ANKRD34B: variants seen among roughly 807,000 people sequenced by gnomAD.
The protein encoded by ANKRD34B is ankyrin repeat domain 34B.
ANKRD34B carries 2 observed loss-of-function variants against 4.4 expected under a neutral mutation model. The observed-to-expected ratio is 0.46, with a 90% CI of 0.19 to 1.44. The LOEUF is 1.44. Ranked by LOEUF, ANKRD34B falls within the 40% of genes most tolerant of loss-of-function variation. The pLI is 0.26. For synonymous variants in ANKRD34B, 226 were observed against 227.1 expected (o/e 0.99, Z 0.05); for missense variants, 558 against 604.7 (o/e 0.92, Z 0.81).
chr5:80,558,738 C>T lies in ANKRD34B; in HGVS notation c.1282G>A (p.Glu428Lys). 1.9e-6 allele frequency: 3 copies of T among 1,614,184 alleles called. No individual in the cohort carries two copies. The highest frequency in any genetic ancestry group is 2.5e-6 in the Non-Finnish European group (3 of 1,180,040). ...PLSRRNHAVL[E>K]RRGSGAFPLD... The stretch of plus-strand genomic sequence containing the variant: ...GGGAAAGCTCCTGAACCTCGCCTTT[C>T]TAAAACTGCATGATTTCTCCTGCTC... The change falls in exon 5 of 5, where the codon GAA (glutamate) becomes AAA (lysine). Residue 428 changes from glutamate (E) to lysine (K), a missense_variant. By Grantham distance (56) the Glu-to-Lys change is moderately conservative. Coordinates refer to ENST00000338682, the MANE Select transcript of ANKRD34B (RefSeq NM_001004441.3).
Position 80,566,727 on chromosome 5 carries a change from C to T in ANKRD34B, c.-143G>A, listed in dbSNP as rs1208301620. Reference sequence around the variant, plus strand: ...TCAAAATTTCACACTTCACTTTTGTCTCTTCTCTCCCTGGATAAGTTTTCT... The same window carrying T: ...TCAAAATTTCACACTTCACTTTTGTTTCTTCTCTCCCTGGATAAGTTTTCT... On this transcript the variant is annotated 5_prime_UTR_variant, in exon 3 of 5. Transcript: ENST00000338682. The T allele has an allele frequency of 1.3e-5, 2 of 152,652 alleles. No homozygotes were observed. The highest frequency in any genetic ancestry group is 6.5e-5 in the Admixed American group (1 of 15,284). 9.5% of individuals were successfully genotyped at this position (152,652 alleles called of 1,614,324 possible).
rs781308036 is a variant in ANKRD34B at position 80,559,083 on chromosome 5, T to G, written c.937A>C (p.Ser313Arg). 6.2e-7 allele frequency: 1 copy of G among 1,614,268 alleles called. No homozygotes were observed. The highest frequency in any genetic ancestry group is 1.7e-5 in the Admixed American group (1 of 60,036). The change falls in exon 5 of 5, where the codon AGC (serine) becomes CGC (arginine). Residue 313 changes from serine (S) to arginine (R), a missense_variant. Coordinates refer to ENST00000338682, the MANE Select transcript of ANKRD34B (RefSeq NM_001004441.3). ...TCATCATATGACATCTTCCTTGAGC[T>G]GGCCTGATCAAAGGCTCTTAGCAAA... ...AHLLRAFDQA[S>R]SRKMSYDEIN...
At chr5:80,568,921 C>CAGAGAGAGAG (rs1414177718) in intron 2 of ANKRD34B, 39 bp downstream of exon 2, 1 of 53,480 alleles carries the variant, frequency 1.9e-5, no homozygotes, top group African/African-American at 4.4e-5. Flanking sequence ...CACACACACA[C>CAGAGAGAGAG]ACACAGAGAG....
At chr5:80,569,330 T>A (rs933592659) in intron 1 of ANKRD34B, among the ~76,000 whole-genome samples, 2 of 152,046 alleles carry the variant, frequency 1.3e-5, no homozygotes, top group Non-Finnish European at 2.9e-5. Context: ...AAATGGTGCG[T>A]CTGAGGGGCG....
At chr5:80,567,532 A>G (rs963613877) in intron 2 of ANKRD34B, among the ~76,000 whole-genome samples, 5 of 148,454 alleles carry the variant, frequency 3.4e-5, no homozygotes, top group Non-Finnish European at 1.5e-5. Context: ...GAGGCAGGAG[A>G]ATCACTTGAA....
In ANKRD34B at chr5:80,559,492, C is replaced by A. The variant is rs1019966074; in HGVS notation, c.528G>T (p.Gly176=). Residue 176 remains glycine (G), a synonymous_variant, in exon 5 of 5, where the codon GGG becomes GGT. Transcript: ENST00000338682. ...YLNMPPVDID[G]CHSPATCTTP... ...TGGTGCAGGTAGCTGGGGAATGACA[C>A]CCATCTATATCCACAGGAGGCATAT... is the stretch of plus-strand genomic sequence containing the variant. 1.9e-6 allele frequency: 3 copies of A among 1,614,200 alleles called. No individual in the cohort carries two copies. Among genetic ancestry groups the A allele is most frequent in the Non-Finnish European group, 2.5e-6 (3 of 1,180,036 alleles).
At position 80,558,438 on chromosome 5, in the gene ANKRD34B, A is replaced by G. The variant is rs374062282; in HGVS notation, c.*37T>C. On this transcript the variant is annotated 3_prime_UTR_variant, in exon 5 of 5. Coordinates refer to ENST00000338682, the MANE Select transcript of ANKRD34B (RefSeq NM_001004441.3). Reference sequence around the variant, plus strand: ...TTCTCTAGTTCTTTGTTTCTCTGATATAAACATTTGAAGAAGATGTGTTTT... The same window carrying G: ...TTCTCTAGTTCTTTGTTTCTCTGATGTAAACATTTGAAGAAGATGTGTTTT... 3.5e-5 allele frequency: 50 copies of G among 1,434,010 alleles called. No homozygotes were observed. Among genetic ancestry groups the G allele is most frequent in the South Asian group, 2.6e-5 (2 of 77,308 alleles). The allele number at this position is 1,434,010 out of a possible 1,614,324, so 88.8% of individuals were successfully genotyped here. A position where few individuals can be genotyped will look rare whatever the true frequency, so the allele number is the denominator to read the frequency against.
rs1256280271 is a variant in ANKRD34B, at chr5:80,566,732, C to A, written c.-148G>T. The A allele has an allele frequency of 6.5e-6, 1 of 152,682 alleles. No homozygotes were observed. The highest frequency in any genetic ancestry group is 2.4e-5 in the African/African-American group (1 of 41,464). 9.5% of individuals were successfully genotyped at this position (152,682 alleles called of 1,614,324 possible). A position where few individuals can be genotyped will look rare whatever the true frequency, so the allele number is the denominator to read the frequency against. On this transcript the variant is annotated 5_prime_UTR_variant, in exon 3 of 5. Transcript: ENST00000338682. ...ATTTCACACTTCACTTTTGTCTCTT[C>A]TCTCCCTGGATAAGTTTTCTGTCAG... is the stretch of plus-strand genomic sequence containing the variant.
intron 4 of ANKRD34B, 121 bp downstream of exon 4, chr5:80,563,614 T>C (rs1467536988): frequency 6.6e-6 from 1 of 152,168 alleles, no homozygotes; most frequent in Non-Finnish European, 1.5e-5. Context: ...TGCAGTATCA[T>C]TCATGATGCA....
chr5:80,561,027 A>G (rs1447397589), intron 4 of ANKRD34B, among the ~76,000 whole-genome samples: 1 of 152,226 alleles, frequency 6.6e-6, no homozygotes. Flanking sequence ...CAAGAACTAT[A>G]GGGTTAAATT....
chr5:80,560,975 T>C (rs1186262126), intron 4 of ANKRD34B, among the ~76,000 whole-genome samples: 1 of 152,178 alleles, frequency 6.6e-6, no homozygotes, highest in Non-Finnish European at 1.5e-5. Context: ...TTTCTCTTGA[T>C]TCTATTATTT....
At position 80,557,241 on chromosome 5, in the gene ANKRD34B, A is replaced by G. The variant is rs1746261396; in HGVS notation, c.*1234T>C. On this transcript the variant is annotated 3_prime_UTR_variant, in exon 5 of 5. Transcript: ENST00000338682. ...AACATCATACTTTGAAGTTATATAG[A>G]TGATATAATTATTACTTTATAATAT... is the stretch of plus-strand genomic sequence containing the variant. 6 of 152,304 alleles carry G rather than the reference A, an allele frequency of 3.9e-5. No individual in the cohort carries two copies. In the South Asian group the frequency reaches 1.2e-3, roughly 32 times the overall value. 9.4% of individuals were successfully genotyped at this position (152,304 alleles called of 1,614,324 possible).
At chr5:80,562,097 G>A (rs982333658) in intron 4 of ANKRD34B, among the ~76,000 whole-genome samples, 15 of 145,200 alleles carry the variant, frequency 1.0e-4, no homozygotes, top group African/African-American at 2.8e-4. Context: ...GTGTGTGTGT[G>A]TGTGTGAAGA....
intron 4 of ANKRD34B, among the ~76,000 whole-genome samples, chr5:80,561,295 A>G (rs1166430336): frequency 6.6e-6 from 1 of 152,158 alleles, no homozygotes; most frequent in Non-Finnish European, 1.5e-5. Flanking sequence ...AATCAGATGA[A>G]TGTATATATA....
At chr5:80,566,977 G>A (rs996971486) in intron 2 of ANKRD34B, among the ~76,000 whole-genome samples, 1 of 152,160 alleles carries the variant, frequency 6.6e-6, no homozygotes, top group African/African-American at 2.4e-5. Flanking sequence ...TGCCTGCAGG[G>A]CTGAGTCTGC....
At chr5:80,560,264 T>C (rs1746379111) in intron 4 of ANKRD34B, among the ~76,000 whole-genome samples, 1 of 152,194 alleles carries the variant, frequency 6.6e-6, no homozygotes, top group Non-Finnish European at 1.5e-5. Flanking sequence ...AAAATCTTCA[T>C]TGAATATTTA....
intron 2 of ANKRD34B, among the ~76,000 whole-genome samples, chr5:80,567,969 C>T (rs1173858226): frequency 6.6e-6 from 1 of 152,178 alleles, no homozygotes; most frequent in Non-Finnish European, 1.5e-5. Flanking sequence ...ATCTACTTTA[C>T]AGTAGATGAT....
At chr5:80,569,470 C>T (rs1003174187) in intron 1 of ANKRD34B, among the ~76,000 whole-genome samples, 1 of 152,140 alleles carries the variant, frequency 6.6e-6, no homozygotes, top group African/African-American at 2.4e-5. Context: ...CCCTGTGTGG[C>T]TCCTGGAAGC....
intron 3 of ANKRD34B, 22 bp from the exon 4 acceptor site, chr5:80,563,837 C>T (rs538202931): frequency 3.3e-5 from 5 of 152,084 alleles, no homozygotes; most frequent in Admixed American, 2.0e-4. Context: ...TCACATGAGA[C>T]AGTGATCACA....
Sources: allele counts gnomAD v4.1 joint callset (sites outside exome capture counted in the v4.1 genomes callset), GRCh38; gene constraint gnomAD v4.1.1; transcripts MANE v1.5; gene names NCBI Gene and HGNC (gene_info 2026-07-23, HGNC 2026-07-21).